RRM2: variants seen among roughly 807,000 people sequenced by gnomAD.
RRM2 encodes ribonucleoside-diphosphate reductase subunit M2.
Under a neutral mutation model 45.9 loss-of-function variants are expected in RRM2, and 6 were observed. That is an observed-to-expected ratio of 0.13 (90% CI 0.07 to 0.26). The LOEUF is 0.26. Among genes scored for constraint, RRM2 ranks in the 10% least tolerant of loss-of-function variants. The pLI, the probability that RRM2 is intolerant of heterozygous loss-of-function variation, is 1.00. For synonymous variants in RRM2, 177 were observed against 173.0 expected, an observed-to-expected ratio of 1.02 and a Z score of -0.18; for missense variants, 343 against 489.5, an observed-to-expected ratio of 0.70 and a Z score of 2.82.
At chr2:10,133,723 T>A (rs1397559117), downstream of RRM2, among the ~76,000 whole-genome samples, 9 of 128,194 alleles carry the variant, frequency 7.0e-5, no homozygotes, top group East Asian at 4.2e-4. Context: ...TTTTTTTTTT[T>A]AATGATGAGA....
At chr2:10,208,260 C>A (rs546550408) in intron 3 of RRM2, among the ~76,000 whole-genome samples, 26 of 152,054 alleles carry the variant, frequency 1.7e-4, no homozygotes, top group Non-Finnish European at 2.9e-4. Flanking sequence ...GCTGAGACCA[C>A]CCAGTCCTAA....
chr2:10,126,835 C>A, intron 5 of RRM2, 40 bp from the exon 6 acceptor site: 2 of 1,513,522 alleles, frequency 1.3e-6, no homozygotes, highest in Non-Finnish European at 9.1e-7. Context: ...AGGTCTTTTA[C>A]TGTAATGCTT....
intron 3 of RRM2, among the ~76,000 whole-genome samples, chr2:10,196,372 C>T (rs59389173): frequency 0.25 from 38,403 of 152,110 alleles, 5,709 homozygotes; most frequent in Non-Finnish European, 0.33. Flanking sequence ...TGGGTTTCAT[C>T]TCGGGACACA....
chr2:10,159,009 G>A (rs891371854), intron 3 of RRM2, among the ~76,000 whole-genome samples: 3 of 152,208 alleles, frequency 2.0e-5, no homozygotes, highest in East Asian at 1.9e-4. Flanking sequence ...TCCTTTGGAC[G>A]TCTTCTTCCA....
chr2:10,161,339 A>G (rs1307742331), intron 3 of RRM2, among the ~76,000 whole-genome samples: 1 of 152,196 alleles, frequency 6.6e-6, no homozygotes, highest in Non-Finnish European at 1.5e-5. Flanking sequence ...AATTACAGGC[A>G]TGAGCCACTG....
Position 10,204,688 on chromosome 2 carries a change from C to T in RRM2, n.483-5623C>T, listed in dbSNP as rs921374259. Among the ~76,000 whole-genome samples, 2 of 152,256 alleles carry T rather than the reference C, an allele frequency of 1.3e-5. No individual in the cohort carries two copies. The highest frequency in any genetic ancestry group is 4.8e-5 in the African/African-American group (2 of 41,462). ...TGCCTGGCTTTTGTGAACACGTCTG[C>T]GCTGACTAATTTGTTTAATTACTCA... On this transcript the variant is annotated intron_variant and non_coding_transcript_variant, in intron 3 of 3. Transcript: ENST00000381786. This position sits in a 1 kb window ranked among gnomAD's most constrained non-coding sequence, Gnocchi z 4.0.
intron 3 of RRM2, among the ~76,000 whole-genome samples, chr2:10,170,018 G>A (rs1663764556): frequency 6.6e-6 from 1 of 152,192 alleles, no homozygotes; most frequent in Admixed American, 6.5e-5. Flanking sequence ...AGCAGCTGAT[G>A]CCCCTGCTGT....
intron 3 of RRM2, among the ~76,000 whole-genome samples, chr2:10,177,696 T>C (rs1324445081): frequency 9.0e-4 from 135 of 149,804 alleles, no homozygotes; most frequent in African/African-American, 3.1e-3. Context: ...CCTTCCTTCC[T>C]TCCTTCCTTC....
chr2:10,189,953 G>A (rs953283005), intron 3 of RRM2, among the ~76,000 whole-genome samples: 2 of 152,160 alleles, frequency 1.3e-5, no homozygotes, highest in African/African-American at 4.8e-5. Flanking sequence ...TGATAATGGT[G>A]GTGATGGTGG....
At chr2:10,165,890 C>A (rs1187533110) in intron 3 of RRM2, among the ~76,000 whole-genome samples, 1 of 152,214 alleles carries the variant, frequency 6.6e-6, no homozygotes, top group Non-Finnish European at 1.5e-5. Flanking sequence ...TACAGTGCTT[C>A]ACAGATCTTT....
intron 3 of RRM2, among the ~76,000 whole-genome samples, chr2:10,184,849 A>G (rs1469509009): frequency 2.6e-5 from 4 of 152,192 alleles, no homozygotes; most frequent in Non-Finnish European, 5.9e-5. Context: ...AAGGGAGGAG[A>G]CTGCCTTAAG....
intron 3 of RRM2, among the ~76,000 whole-genome samples, chr2:10,170,179 C>T (rs1203766733): frequency 6.6e-6 from 1 of 152,224 alleles, no homozygotes; most frequent in African/African-American, 2.4e-5. Context: ...TGAGCCGCCT[C>T]TACCTTCCAG....
At chr2:10,150,659 C>T (rs1386497235) in intron 3 of RRM2, among the ~76,000 whole-genome samples, 1 of 151,796 alleles carries the variant, frequency 6.6e-6, no homozygotes, top group Non-Finnish European at 1.5e-5. Flanking sequence ...TCCACAGCTT[C>T]CTCATGCTGT....
At chr2:10,144,964 C>T (rs374514322) in intron 3 of RRM2, among the ~76,000 whole-genome samples, 2 of 152,182 alleles carry the variant, frequency 1.3e-5, no homozygotes, top group East Asian at 3.9e-4. Flanking sequence ...AGCACCGGGC[C>T]GGGAGCCCCC....
At chr2:10,203,765 A>G (rs1030022602) in intron 3 of RRM2, among the ~76,000 whole-genome samples, 2 of 146,402 alleles carry the variant, frequency 1.4e-5, no homozygotes, top group Non-Finnish European at 2.9e-5. Context: ...AAATAAATAC[A>G]TACATACATA....
chr2:10,187,423 T>G (rs1664192563), intron 3 of RRM2, among the ~76,000 whole-genome samples: 1 of 152,202 alleles, frequency 6.6e-6, no homozygotes, highest in South Asian at 2.1e-4. Context: ...TGCAGGCACC[T>G]GGAAGGAGAA....
intron 3 of RRM2, among the ~76,000 whole-genome samples, chr2:10,194,191 A>C (rs950604569): frequency 2.0e-5 from 3 of 152,218 alleles, no homozygotes; most frequent in Non-Finnish European, 2.9e-5. Context: ...TCGAAGAGGA[A>C]GGAGGCTGCC....
chr2:10,197,840 G>T (rs904355971), intron 3 of RRM2, among the ~76,000 whole-genome samples: 1 of 152,082 alleles, frequency 6.6e-6, no homozygotes, highest in Admixed American at 6.5e-5. Flanking sequence ...CTTCTCTAAG[G>T]CCCAGGCTCT....
intron 3 of RRM2, among the ~76,000 whole-genome samples, chr2:10,194,460 G>A (rs1664371607): frequency 6.6e-6 from 1 of 152,216 alleles, no homozygotes; most frequent in African/African-American, 2.4e-5. Context: ...GGGATGGGGT[G>A]TGTGTGTGAG....
Sources: gnomAD v4.1 joint callset for allele counts (sites outside exome capture counted in the v4.1 genomes callset) on GRCh38, gnomAD v4.1.1 for gene constraint, Gnocchi (gnomAD v3.1) non-coding constraint, MANE v1.5 for transcripts, NCBI Gene and HGNC (gene_info 2026-07-23, HGNC 2026-07-21) for gene names.